The following CSMD1 variants were observed in gnomAD, a reference collection of about 807,000 sequenced individuals.
CSMD1 encodes the protein CUB and sushi domain-containing protein 1.
Under a neutral mutation model 417.5 loss-of-function variants are expected in CSMD1, and 213 were observed. The ratio of observed to expected loss-of-function variants is 0.51; its 90% confidence interval spans 0.46 to 0.57. The LOEUF (loss-of-function observed/expected upper bound fraction) is 0.57, where lower values mean the gene tolerates loss of function less well. CSMD1 is among the 20% of genes least tolerant of loss of function. The probability of loss-of-function intolerance (pLI) is 0.00; values close to 1 mark genes in which losing one functional copy is unlikely to be tolerated. For missense variants in CSMD1, 6,923 were observed against 4,529.7 expected (o/e 1.53, Z -15.17); for synonymous variants, 2,862 against 1,736.8 (o/e 1.65, Z -16.11).
chr8:4,140,417 G>T (rs930027433), intron 3 of CSMD1, among the ~76,000 whole-genome samples: 1 of 150,944 alleles, frequency 6.6e-6, no homozygotes, highest in Non-Finnish European at 1.5e-5. Flanking sequence ...AGAATTGCTT[G>T]AACCTGGGAA....
chr8:4,014,496 A>T (rs946230654), intron 4 of CSMD1, among the ~76,000 whole-genome samples: 20 of 152,152 alleles, frequency 1.3e-4, no homozygotes, highest in African/African-American at 4.3e-4. Context: ...GCTTCTTTTG[A>T]TGTCTGTTCC....
At chr8:4,989,920 G>C (rs1038792557) in intron 1 of CSMD1, among the ~76,000 whole-genome samples, 3 of 152,174 alleles carry the variant, frequency 2.0e-5, no homozygotes, top group African/African-American at 7.2e-5. Flanking sequence ...AAACTGGAGA[G>C]TAAGGAAGCA....
intron 2 of CSMD1, among the ~76,000 whole-genome samples, chr8:4,594,040 G>A (rs1800130211): frequency 6.6e-6 from 1 of 151,910 alleles, no homozygotes. Flanking sequence ...TCCTTGGCTG[G>A]AAGAATCATC....
intron 64 of CSMD1, 118 bp downstream of exon 64, chr8:2,955,471 G>A (rs190643569): frequency 6.6e-6 from 6 of 906,066 alleles, no homozygotes; most frequent in South Asian, 1.8e-5. Context: ...GGCAGGTGGC[G>A]ATGCTGCAGC....
chr8:4,355,855 G>A (rs866136940), intron 3 of CSMD1, among the ~76,000 whole-genome samples: 30 of 152,330 alleles, frequency 2.0e-4, no homozygotes, highest in South Asian at 2.1e-4. Flanking sequence ...GAGGAGCTTT[G>A]GAGGATGGGA....
At chr8:4,504,703 A>G (rs1408125488) in intron 2 of CSMD1, among the ~76,000 whole-genome samples, 3 of 151,504 alleles carry the variant, frequency 2.0e-5, no homozygotes, top group Non-Finnish European at 4.4e-5. Flanking sequence ...TCATTGTTCA[A>G]CTCCCACTTA....
In CSMD1 at chr8:3,408,160, A is replaced by G; in HGVS notation, c.1810T>C (p.Tyr604His). ...IILSPNYPEE[Y>H]GNNMNCVWLI... ...CAGACACAGTTCATGTTGTTCCCAT[A>G]TTCCTCTGGATAATTTGGTGACAGA... is the stretch of plus-strand genomic sequence containing the variant. Residue 604 changes from tyrosine (Y) to histidine (H), a missense_variant, in exon 14 of 70, where the codon TAT becomes CAT. By Grantham distance (83) the Tyr-to-His change is moderately conservative. Transcript: ENST00000635120. The G allele has an allele frequency of 1.2e-6, 2 of 1,613,234 alleles. No individual in the cohort carries two copies. The highest frequency in any genetic ancestry group is 1.7e-6 in the Non-Finnish European group (2 of 1,179,458).
At chr8:4,935,263 G>T (rs924150486) in intron 1 of CSMD1, among the ~76,000 whole-genome samples, 1 of 152,130 alleles carries the variant, frequency 6.6e-6, no homozygotes, top group Non-Finnish European at 1.5e-5. Flanking sequence ...TCTTCAGTTA[G>T]ATATCCTCAA....
chr8:3,300,196 TA>T (rs1384288690), intron 25 of CSMD1, among the ~76,000 whole-genome samples: 1 of 152,158 alleles, frequency 6.6e-6, no homozygotes, highest in Non-Finnish European at 1.5e-5. Context: ...TAACTCAAAA[TA>T]AATGTTCAGA....
At chr8:2,999,158 T>TG (rs1051289502) in intron 53 of CSMD1, among the ~76,000 whole-genome samples, 1 of 147,056 alleles carries the variant, frequency 6.8e-6, no homozygotes, top group Non-Finnish European at 1.5e-5. Flanking sequence ...TTTTCCCTTT[T>TG]TTTTTTTTTT....
intron 3 of CSMD1, among the ~76,000 whole-genome samples, chr8:4,177,404 C>T (rs533382776): frequency 1.3e-5 from 2 of 151,736 alleles, no homozygotes; most frequent in Admixed American, 6.6e-5. Flanking sequence ...CACAACATAC[C>T]AGAATCTCTG....
At chr8:4,600,479 C>A (rs1268010935) in intron 2 of CSMD1, among the ~76,000 whole-genome samples, 1 of 152,154 alleles carries the variant, frequency 6.6e-6, no homozygotes, top group Non-Finnish European at 1.5e-5. Context: ...AGTCTGTTTA[C>A]AGATATAATA....
At chr8:3,306,969 GATTTTCTTTTAT>G (rs1804907617) in intron 25 of CSMD1, among the ~76,000 whole-genome samples, 1 of 152,082 alleles carries the variant, frequency 6.6e-6, no homozygotes, top group Non-Finnish European at 1.5e-5. Context: ...AATTTGCAAT[GATTTTCTTTTAT>G]ATGTGTTACT....
intron 7 of CSMD1, among the ~76,000 whole-genome samples, chr8:3,708,206 T>G (rs1318533153): frequency 6.6e-6 from 1 of 152,128 alleles, no homozygotes; most frequent in African/African-American, 2.4e-5. Context: ...ACGTGACACA[T>G]GGTTAGGAGT....
intron 1 of CSMD1, among the ~76,000 whole-genome samples, chr8:4,877,537 T>C (rs954825461): frequency 6.6e-6 from 1 of 152,098 alleles, no homozygotes; most frequent in Non-Finnish European, 1.5e-5. Flanking sequence ...TTCTTCTTCA[T>C]ATCAATGCAT....
chr8:3,490,779 G>A (rs969356013), intron 11 of CSMD1, among the ~76,000 whole-genome samples: 1 of 152,158 alleles, frequency 6.6e-6, no homozygotes, highest in African/African-American at 2.4e-5. Context: ...TCAAAGGCAG[G>A]CAGTGTGTGC....
chr8:4,535,758 G>C (rs1467464296), intron 2 of CSMD1, among the ~76,000 whole-genome samples: 1 of 152,110 alleles, frequency 6.6e-6, no homozygotes, highest in African/African-American at 2.4e-5. Flanking sequence ...ATTGTTAATA[G>C]GTTAGTTCAT....
intron 10 of CSMD1, among the ~76,000 whole-genome samples, chr8:3,528,508 G>A (rs765330924): frequency 9.9e-5 from 15 of 152,086 alleles, no homozygotes; most frequent in Non-Finnish European, 1.6e-4. Context: ...GGAACCCTGT[G>A]GGCTCTTCTT....
intron 11 of CSMD1, among the ~76,000 whole-genome samples, chr8:3,474,871 C>G (rs185467835): frequency 4.1e-4 from 63 of 152,194 alleles, no homozygotes; most frequent in East Asian, 3.7e-3. Flanking sequence ...TAATGTTATC[C>G]TAATGAAACA....
Sources: allele counts gnomAD v4.1 joint callset (sites outside exome capture counted in the v4.1 genomes callset), GRCh38; gene constraint gnomAD v4.1.1; transcripts MANE v1.5; gene names NCBI Gene and HGNC (gene_info 2026-07-23, HGNC 2026-07-21).